Variants in KCNJ6 observed in about 807,000 individuals in gnomAD.
KCNJ6 encodes the protein potassium inwardly rectifying channel subfamily J member 6, also known as G protein-activated inward rectifier potassium channel 2.
A neutral mutation model predicts 34.2 loss-of-function variants in KCNJ6; 9 were observed. The observed-to-expected ratio is 0.26, with a 90% confidence interval of 0.16 to 0.46. The LOEUF (loss-of-function observed/expected upper bound fraction) is 0.46. Ranked by LOEUF, KCNJ6 falls within the 20% of genes least tolerant of loss-of-function variation. KCNJ6 has a pLI of 1.00. For missense variants in KCNJ6, 236 were observed against 531.3 expected (o/e 0.44, Z 5.46); for synonymous variants, 196 against 207.1 (o/e 0.95, Z 0.46).
rs1373558607 is a variant in KCNJ6, at chr21:37,611,341, A to G, written c.*13818T>C. On this transcript the variant is annotated 3_prime_UTR_variant, in exon 4 of 4. Coordinates refer to ENST00000609713, the MANE Select transcript of KCNJ6 (RefSeq NM_002240.5). Reference sequence around the variant, plus strand: ...GGTATATCTCTGTTAAATAATTTGAATCAATGGTTAGTAACCTCCCCAACC... The same window carrying G: ...GGTATATCTCTGTTAAATAATTTGAGTCAATGGTTAGTAACCTCCCCAACC... 1 of 152,240 alleles carries G rather than the reference A, an allele frequency of 6.6e-6. No homozygotes were observed. The highest frequency in any genetic ancestry group is 1.5e-5 in the Non-Finnish European group (1 of 68,038). 9.4% of individuals were successfully genotyped at this position (152,240 alleles called of 1,614,324 possible). A position where few individuals can be genotyped will look rare whatever the true frequency, so the allele number is the denominator to read the frequency against.
intron 1 of KCNJ6, among the ~76,000 whole-genome samples, chr21:37,858,773 GT>G (rs201036455): frequency 2.0e-5 from 3 of 152,028 alleles, no homozygotes; most frequent in East Asian, 1.9e-4. Context: ...TTCTCCATGG[GT>G]TTTTTTTGAA....
At chr21:37,745,094 T>G (rs1413189831) in intron 2 of KCNJ6, among the ~76,000 whole-genome samples, 873 of 78,196 alleles carry the variant, frequency 0.011, 35 homozygotes, top group African/African-American at 0.03. Context: ...TTTTTTTTTT[T>G]TTTTTTTTTT....
chr21:37,859,195 T>G (rs952257606), intron 1 of KCNJ6, among the ~76,000 whole-genome samples: 2 of 151,980 alleles, frequency 1.3e-5, no homozygotes, highest in Non-Finnish European at 2.9e-5. Context: ...AGGTAATTAC[T>G]ATGGAAAAAT....
intron 3 of KCNJ6, among the ~76,000 whole-genome samples, chr21:37,650,921 A>T (rs968409452): frequency 3.3e-5 from 5 of 152,222 alleles, no homozygotes; most frequent in Non-Finnish European, 7.3e-5. Flanking sequence ...ATGACAACTC[A>T]AAAGTTCAAT....
intron 2 of KCNJ6, among the ~76,000 whole-genome samples, chr21:37,802,856 A>G (rs2055275778): frequency 6.6e-6 from 1 of 152,130 alleles, no homozygotes; most frequent in South Asian, 2.1e-4. Context: ...GGGAGCAGAA[A>G]GGTCAGCATA....
At chr21:37,799,437 A>T (rs111971168) in intron 2 of KCNJ6, among the ~76,000 whole-genome samples, 2,163 of 152,280 alleles carry the variant, frequency 0.014, 48 homozygotes, top group Non-Finnish European at 0.019. Context: ...AGCATGACCC[A>T]GGAAGAGGCA....
At chr21:37,855,648 A>G (rs2055561062) in intron 1 of KCNJ6, among the ~76,000 whole-genome samples, 1 of 152,344 alleles carries the variant, frequency 6.6e-6, no homozygotes, top group Admixed American at 6.5e-5. Context: ...GAATGACTGC[A>G]TCTGCTGGGG....
chr21:37,756,913 A>G, intron 2 of KCNJ6, among the ~76,000 whole-genome samples: 1 of 114,912 alleles, frequency 8.7e-6, no homozygotes, highest in Non-Finnish European at 1.8e-5. Flanking sequence ...TGATGATTCC[A>G]GCCTGGAGTG....
At chr21:37,766,477 C>T (rs2055091700) in intron 2 of KCNJ6, among the ~76,000 whole-genome samples, 1 of 152,080 alleles carries the variant, frequency 6.6e-6, no homozygotes, top group Non-Finnish European at 1.5e-5. Context: ...CCATTGTAGC[C>T]CATCTACAGC....
chr21:37,895,614 T>C (rs1289171123), intron 1 of KCNJ6, among the ~76,000 whole-genome samples: 1 of 152,150 alleles, frequency 6.6e-6, no homozygotes, highest in East Asian at 1.9e-4. Flanking sequence ...TCCCACCTGG[T>C]GAAAGAGGCA....
At chr21:37,791,244 A>T (rs2055215443) in intron 2 of KCNJ6, among the ~76,000 whole-genome samples, 1 of 152,250 alleles carries the variant, frequency 6.6e-6, no homozygotes. Context: ...GGGGCATTTA[A>T]TAAAATAGAT....
In KCNJ6 at chr21:37,616,590, C is replaced by CATATATATATATATATATATATATAT; in HGVS notation, c.*8543_*8568dup. On this transcript the variant is annotated 3_prime_UTR_variant, in exon 4 of 4. Coordinates refer to ENST00000609713, the MANE Select transcript of KCNJ6 (RefSeq NM_002240.5). ...AATTATGAAGCAGGAACAAAATGTA[C>CATATATATATATATATATATATATAT]ATATATATATATATATATATATATA... is the stretch of plus-strand genomic sequence containing the variant. 7.3e-4 allele frequency: 66 copies of CATATATATATATATATATATATATAT among 90,920 alleles called. 3 individuals carry two copies. Among genetic ancestry groups the CATATATATATATATATATATATATAT allele is most frequent in the African/African-American group, 1.5e-3 (33 of 21,802 alleles). The allele number at this position is 90,920 out of a possible 1,614,324, so 5.6% of individuals were successfully genotyped here.
intron 1 of KCNJ6, among the ~76,000 whole-genome samples, chr21:37,883,470 G>A (rs767681737): frequency 2.6e-5 from 4 of 152,204 alleles, no homozygotes; most frequent in Non-Finnish European, 4.4e-5. Context: ...TAGCATGCAT[G>A]CTTCATGTTA....
chr21:37,704,838 T>C (rs2054711077), intron 3 of KCNJ6, among the ~76,000 whole-genome samples: 1 of 152,094 alleles, frequency 6.6e-6, no homozygotes, highest in African/African-American at 2.4e-5. Context: ...TGTTAAACTT[T>C]TTTTTTTCCT....
intron 1 of KCNJ6, among the ~76,000 whole-genome samples, chr21:37,898,587 G>GAAAAAAAA (rs112946268): frequency 3.4e-5 from 3 of 88,950 alleles, no homozygotes; most frequent in Admixed American, 1.2e-4. Flanking sequence ...CATCTCAAAA[G>GAAAAAAAA]AAAAAAAAAA....
At chr21:37,854,474 G>T (rs2055554639) in intron 1 of KCNJ6, among the ~76,000 whole-genome samples, 1 of 152,180 alleles carries the variant, frequency 6.6e-6, no homozygotes, top group African/African-American at 2.4e-5. Context: ...GAGTAGAACG[G>T]TAACCAGAAG....
chr21:37,807,094 T>C (rs16995512), intron 2 of KCNJ6, among the ~76,000 whole-genome samples: 1 of 152,200 alleles, frequency 6.6e-6, no homozygotes, highest in Non-Finnish European at 1.5e-5. Flanking sequence ...GAAATTGCTA[T>C]GAAGATTGGC....
chr21:37,680,256 A>G (rs1016414760), intron 3 of KCNJ6, among the ~76,000 whole-genome samples: 3 of 152,218 alleles, frequency 2.0e-5, no homozygotes, highest in African/African-American at 7.2e-5. Flanking sequence ...CCTGAGGAAG[A>G]AAGCCCTCTC....
At chr21:37,783,679 G>A (rs2055180416) in intron 2 of KCNJ6, among the ~76,000 whole-genome samples, 1 of 152,210 alleles carries the variant, frequency 6.6e-6, no homozygotes, top group Admixed American at 6.5e-5. Context: ...CCTGCTTGAA[G>A]TCTTTGCTTT....
Sources: gnomAD v4.1 joint callset for allele counts (sites outside exome capture counted in the v4.1 genomes callset) on GRCh38, gnomAD v4.1.1 for gene constraint, MANE v1.5 for transcripts, NCBI Gene and HGNC (gene_info 2026-07-23, HGNC 2026-07-21) for gene names.